Variants in EPB41L4A observed in about 807,000 individuals in gnomAD.
EPB41L4A encodes erythrocyte membrane protein band 4.1 like 4A, also known as band 4.1-like protein 4A.
Under a neutral mutation model 108.6 loss-of-function variants are expected in EPB41L4A, and 100 were observed. The ratio of observed to expected loss-of-function variants is 0.92; its 90% CI spans 0.78 to 1.09. The LOEUF is 1.09. EPB41L4A is among the 50% of genes least tolerant of loss of function. EPB41L4A has a pLI of 0.00. For synonymous variants in EPB41L4A, 319 were observed against 289.0 expected (o/e 1.10, Z -1.05); for missense variants, 1,030 against 842.7 (o/e 1.22, Z -2.75).
At chr5:112,419,904 G>A, upstream of EPB41L4A, 3 of 456,722 alleles carry the variant, frequency 6.6e-6, 1 homozygote, top group South Asian at 4.6e-5. Flanking sequence ...GGCTTCTTCA[G>A]GACATTCAGC....
chr5:112,399,906 C>A (rs776019290), intron 1 of EPB41L4A, among the ~76,000 whole-genome samples: 3 of 152,210 alleles, frequency 2.0e-5, no homozygotes, highest in Non-Finnish European at 4.4e-5. Flanking sequence ...CTCCATGGGC[C>A]CATCATGTCT....
intron 12 of EPB41L4A, among the ~76,000 whole-genome samples, chr5:112,231,046 CACT>C (rs935444479): frequency 1.1e-4 from 17 of 152,114 alleles, no homozygotes; most frequent in African/African-American, 3.6e-4. Context: ...GAATACACAC[CACT>C]GTTTAAAATA....
intron 20 of EPB41L4A, 124 bp from the exon 21 acceptor site, chr5:112,169,229 C>T (rs1760435189): frequency 1.4e-6 from 1 of 700,548 alleles, no homozygotes; most frequent in Non-Finnish European, 2.5e-6. Flanking sequence ...AACTTGACTC[C>T]TAGGGTTTGA....
At chr5:112,209,076 C>T (rs1420368905) in intron 13 of EPB41L4A, among the ~76,000 whole-genome samples, 2 of 152,192 alleles carry the variant, frequency 1.3e-5, no homozygotes, top group South Asian at 2.1e-4. Flanking sequence ...CTATACTCCT[C>T]AAAGTAGCCA....
At chr5:112,264,138 G>C (rs1164094244) in intron 6 of EPB41L4A, 1 of 152,082 alleles carries the variant, frequency 6.6e-6, no homozygotes, top group Non-Finnish European at 1.5e-5. Flanking sequence ...AACTATAATA[G>C]ATCTGAAACC....
intron 1 of EPB41L4A, among the ~76,000 whole-genome samples, chr5:112,347,151 G>A (rs1476618782): frequency 6.6e-6 from 1 of 152,134 alleles, no homozygotes; most frequent in Non-Finnish European, 1.5e-5. Context: ...CCACAAAAGT[G>A]GGCTACAATA....
intron 1 of EPB41L4A, among the ~76,000 whole-genome samples, chr5:112,340,062 T>G (rs557767716): frequency 5.3e-5 from 8 of 152,018 alleles, no homozygotes; most frequent in Non-Finnish European, 8.8e-5. Context: ...TTCCCTCATA[T>G]CCAATGCTCA....
chr5:112,197,473 T>A (rs62370373), intron 15 of EPB41L4A, among the ~76,000 whole-genome samples: 7 of 152,224 alleles, frequency 4.6e-5, no homozygotes, highest in African/African-American at 7.2e-5. Flanking sequence ...TATACCGAAA[T>A]TGGTCACAGA....
chr5:112,234,612 A>C (rs1254466608), intron 12 of EPB41L4A, 22 bp downstream of exon 12: 1 of 1,610,286 alleles, frequency 6.2e-7, no homozygotes, highest in South Asian at 1.1e-5. Context: ...TACATAGATA[A>C]CTCAGGGGAA....
chr5:112,333,995 A>C (rs1340049412), intron 1 of EPB41L4A, among the ~76,000 whole-genome samples: 3 of 152,202 alleles, frequency 2.0e-5, no homozygotes, highest in Non-Finnish European at 4.4e-5. Flanking sequence ...AAGGGGACCC[A>C]GTGAAACCTG....
chr5:112,234,693 T>C lies in EPB41L4A; in HGVS notation c.1028A>G (p.Asn343Ser), dbSNP rs1749202430. 1 of 1,613,716 alleles carries C rather than the reference T, an allele frequency of 6.2e-7. No individual in the cohort carries two copies. The highest frequency in any genetic ancestry group is 1.3e-5 in the African/African-American group (1 of 74,922). Reference protein sequence around the residue: ...LSIQLPRPDQNVTRSRSKTYP... With the variant: ...LSIQLPRPDQSVTRSRSKTYP... ...AGTCTTGCTTCGACTTCTTGTCACA[T>C]TCTGATCAGGCCGGGGAAGCTGAAT... is the stretch of plus-strand genomic sequence containing the variant. The change falls in exon 12 of 23, where the codon AAT (asparagine) becomes AGT (serine). Residue 343 changes from asparagine to serine, a missense_variant. By Grantham distance (46) the Asn-to-Ser change is conservative. Coordinates refer to ENST00000261486, the MANE Select transcript of EPB41L4A (RefSeq NM_022140.5).
At chr5:112,338,638 T>C (rs116070075) in intron 1 of EPB41L4A, among the ~76,000 whole-genome samples, 2,081 of 152,270 alleles carry the variant, frequency 0.014, 50 homozygotes, top group African/African-American at 0.048. Context: ...TAGCTTTCCA[T>C]TCTCTTCGTA....
intron 1 of EPB41L4A, among the ~76,000 whole-genome samples, chr5:112,330,074 T>C (rs13355356): frequency 0.47 from 71,053 of 151,694 alleles, 18,225 homozygotes; most frequent in South Asian, 0.63. Flanking sequence ...GTATAAAGTA[T>C]ACTTTATACT....
intron 1 of EPB41L4A, among the ~76,000 whole-genome samples, chr5:112,416,357 A>G (rs1055454451): frequency 1.3e-5 from 2 of 152,152 alleles, no homozygotes; most frequent in Non-Finnish European, 2.9e-5. Flanking sequence ...CAAATTCTCA[A>G]GTAACCATTT....
At chr5:112,168,635 T>C (rs1760389940) in intron 22 of EPB41L4A, 104 bp downstream of exon 22, 1 of 792,976 alleles carries the variant, frequency 1.3e-6, no homozygotes, top group Non-Finnish European at 2.1e-6. Context: ...GACATTAAGG[T>C]TTCATTGCCT....
chr5:112,395,419 T>C (rs1206549702), intron 1 of EPB41L4A, among the ~76,000 whole-genome samples: 1 of 152,004 alleles, frequency 6.6e-6, no homozygotes, highest in African/African-American at 2.4e-5. Context: ...AACAACCCCA[T>C]CAACAAGTGG....
At chr5:112,204,278 CA>C in intron 15 of EPB41L4A, 96 bp downstream of exon 15, 2 of 714,272 alleles carry the variant, frequency 2.8e-6, no homozygotes, top group Non-Finnish European at 4.9e-6. Flanking sequence ...TGGAGAGAAA[CA>C]GTAATGTCGG....
chr5:112,266,714 T>C (rs1283372515), intron 4 of EPB41L4A, among the ~76,000 whole-genome samples: 1 of 152,214 alleles, frequency 6.6e-6, no homozygotes, highest in Non-Finnish European at 1.5e-5. Context: ...TTTTAAGCTA[T>C]CATTACTGCC....
At chr5:112,253,695 C>T (rs1750855491) in intron 9 of EPB41L4A, among the ~76,000 whole-genome samples, 1 of 151,978 alleles carries the variant, frequency 6.6e-6, no homozygotes, top group East Asian at 1.9e-4. Flanking sequence ...AAGAGAAAGG[C>T]CTGTGTGTGT....
Sources: allele counts gnomAD v4.1 joint callset (sites outside exome capture counted in the v4.1 genomes callset), GRCh38; gene constraint gnomAD v4.1.1; transcripts MANE v1.5; gene names NCBI Gene and HGNC (gene_info 2026-07-23, HGNC 2026-07-21).